Variants in SCAPER observed in about 807,000 individuals in gnomAD.
SCAPER encodes the protein S phase cyclin A-associated protein in the endoplasmic reticulum.
SCAPER carries 98 observed loss-of-function variants against 182.2 expected under a neutral mutation model. The observed-to-expected ratio is 0.54, with a 90% CI of 0.46 to 0.64. SCAPER has a LOEUF of 0.64. Ranked by LOEUF, SCAPER falls within the 30% of genes least tolerant of loss-of-function variation. The pLI, the probability that SCAPER is intolerant of heterozygous loss-of-function variation, is 0.00. For synonymous variants in SCAPER, 605 were observed against 564.6 expected, an observed-to-expected ratio of 1.07 and a Z score of -1.01; for missense variants, 1,432 against 1,690.0, an observed-to-expected ratio of 0.85 and a Z score of 2.68.
chr15:76,617,089 T>C (rs1282978168), intron 22 of SCAPER, among the ~76,000 whole-genome samples: 1 of 152,190 alleles, frequency 6.6e-6, no homozygotes, highest in Non-Finnish European at 1.5e-5. Flanking sequence ...TTTATCATTT[T>C]TGTTGTAAAT....
At chr15:76,881,199 G>T (rs898359213) in intron 2 of SCAPER, among the ~76,000 whole-genome samples, 1 of 152,144 alleles carries the variant, frequency 6.6e-6, no homozygotes, top group Non-Finnish European at 1.5e-5. Flanking sequence ...GGGTTCAAGC[G>T]ATTCTCATGC....
At chr15:76,806,605 G>T (rs1235822472) in intron 5 of SCAPER, among the ~76,000 whole-genome samples, 1 of 152,146 alleles carries the variant, frequency 6.6e-6, no homozygotes. Context: ...ATGTTCATAG[G>T]TATTGCATTG....
chr15:76,611,992 A>G (rs144490594), intron 22 of SCAPER, among the ~76,000 whole-genome samples: 27 of 152,286 alleles, frequency 1.8e-4, no homozygotes, highest in Middle Eastern at 3.4e-3. Context: ...ACATTGCACT[A>G]AACAGGCAAA....
intron 23 of SCAPER, among the ~76,000 whole-genome samples, chr15:76,519,404 G>C (rs1597161479): frequency 6.6e-6 from 1 of 152,174 alleles, no homozygotes; most frequent in Non-Finnish European, 1.5e-5. Flanking sequence ...GGAGAAGTAG[G>C]GATCTGAGAA....
chr15:76,758,397 T>C (rs1179400816), intron 14 of SCAPER, among the ~76,000 whole-genome samples: 1 of 152,158 alleles, frequency 6.6e-6, no homozygotes, highest in Non-Finnish European at 1.5e-5. Flanking sequence ...TTGCCCATAA[T>C]TGCATAGGTT....
chr15:76,757,463 C>T (rs999488323), intron 14 of SCAPER, among the ~76,000 whole-genome samples: 3 of 152,044 alleles, frequency 2.0e-5, no homozygotes, highest in African/African-American at 7.2e-5. Flanking sequence ...TATACACACA[C>T]ACACACACAC....
intron 23 of SCAPER, among the ~76,000 whole-genome samples, chr15:76,570,095 G>A (rs1442663997): frequency 6.6e-6 from 1 of 151,980 alleles, no homozygotes; most frequent in Admixed American, 6.6e-5. Context: ...TTTTCCAATT[G>A]CTTCTGTTAG....
At chr15:76,426,182 TTTTG>T (rs1950347141) in intron 26 of SCAPER, among the ~76,000 whole-genome samples, 1 of 152,228 alleles carries the variant, frequency 6.6e-6, no homozygotes, top group African/African-American at 2.4e-5. Context: ...TTCTGTTGCC[TTTTG>T]TTTGGCTGTG....
chr15:76,422,184 C>T (rs1333871020), intron 26 of SCAPER, among the ~76,000 whole-genome samples: 1 of 152,152 alleles, frequency 6.6e-6, no homozygotes, highest in Non-Finnish European at 1.5e-5. Context: ...ATGGGGATGG[C>T]ATTGAATCTA....
intron 21 of SCAPER, among the ~76,000 whole-genome samples, chr15:76,661,679 A>G (rs2056182175): frequency 6.6e-6 from 1 of 152,158 alleles, no homozygotes; most frequent in Non-Finnish European, 1.5e-5. Context: ...AGTCAAGAAA[A>G]AAACAATGCT....
At chr15:76,872,903 A>G (rs2072828408) in intron 2 of SCAPER, among the ~76,000 whole-genome samples, 1 of 152,032 alleles carries the variant, frequency 6.6e-6, no homozygotes, top group African/African-American at 2.4e-5. Flanking sequence ...AGGCCTTTAC[A>G]TTCTCCAGGA....
chr15:76,600,429 G>GACA (rs2049837934), intron 22 of SCAPER, among the ~76,000 whole-genome samples: 3 of 69,734 alleles, frequency 4.3e-5, no homozygotes, highest in African/African-American at 1.2e-4. Flanking sequence ...GTGTGTGTGT[G>GACA]TATACATATA....
intron 18 of SCAPER, among the ~76,000 whole-genome samples, chr15:76,705,653 T>C (rs2059225726): frequency 6.6e-6 from 1 of 151,584 alleles, no homozygotes; most frequent in Non-Finnish European, 1.5e-5. Context: ...TATTAAAGAT[T>C]CTAAATTAAA....
intron 17 of SCAPER, among the ~76,000 whole-genome samples, chr15:76,727,456 G>C (rs1401566523): frequency 6.6e-6 from 1 of 151,954 alleles, no homozygotes; most frequent in African/African-American, 2.4e-5. Flanking sequence ...TAAAAACTTG[G>C]CTTATGTTAG....
At chr15:76,891,528 CAG>C (rs754534769) in intron 1 of SCAPER, among the ~76,000 whole-genome samples, 1 of 152,126 alleles carries the variant, frequency 6.6e-6, no homozygotes, top group Non-Finnish European at 1.5e-5. Flanking sequence ...CAATAACAGA[CAG>C]AGAGCCCAAT....
intron 25 of SCAPER, chr15:76,470,977 G>C (rs554915373): frequency 6.6e-6 from 2 of 303,422 alleles, no homozygotes; most frequent in South Asian, 4.1e-5. Context: ...AGTGTTATAA[G>C]TCTATTATCC....
chr15:76,872,703 T>TTA (rs1350611635), intron 2 of SCAPER, among the ~76,000 whole-genome samples: 2 of 151,512 alleles, frequency 1.3e-5, no homozygotes, highest in Non-Finnish European at 2.9e-5. Context: ...CTATACTATA[T>TTA]TAATACAGTA....
chr15:76,536,749 T>C (rs2044200811), intron 23 of SCAPER, among the ~76,000 whole-genome samples: 1 of 152,072 alleles, frequency 6.6e-6, no homozygotes, highest in Admixed American at 6.5e-5. Flanking sequence ...TAAAGGGTAT[T>C]CAATTAGGAA....
chr15:76,717,606 A>T (rs997838768), intron 17 of SCAPER, among the ~76,000 whole-genome samples: 2 of 152,176 alleles, frequency 1.3e-5, no homozygotes, highest in Non-Finnish European at 2.9e-5. Flanking sequence ...AGCTGATAAC[A>T]ACTTAACAGT....
Sources: allele counts gnomAD v4.1 joint callset (sites outside exome capture counted in the v4.1 genomes callset), GRCh38; gene constraint gnomAD v4.1.1; transcripts MANE v1.5; gene names NCBI Gene and HGNC (gene_info 2026-07-23, HGNC 2026-07-21).